The following PTPRD variants were observed in gnomAD, a reference collection of about 807,000 sequenced individuals.
PTPRD encodes the protein receptor-type tyrosine-protein phosphatase delta.
A neutral mutation model predicts 214.5 loss-of-function variants in PTPRD; 34 were observed. The ratio of observed to expected loss-of-function variants is 0.16; its 90% CI spans 0.12 to 0.21. PTPRD has a LOEUF of 0.21. PTPRD is among the 10% of genes least tolerant of loss of function. PTPRD has a pLI of 1.00. For synonymous variants in PTPRD, 1,128 were observed against 845.7 expected, an observed-to-expected ratio of 1.33 and a Z score of -5.79; for missense variants, 2,545 against 2,398.7, an observed-to-expected ratio of 1.06 and a Z score of -1.27.
chr9:8,893,822 A>G (rs1023098304), intron 11 of PTPRD, among the ~76,000 whole-genome samples: 4 of 152,178 alleles, frequency 2.6e-5, no homozygotes, highest in African/African-American at 9.7e-5. Flanking sequence ...TTATGACACA[A>G]TGTTGAGGGA....
chr9:9,513,777 T>C (rs2096768475), intron 8 of PTPRD, among the ~76,000 whole-genome samples: 1 of 151,980 alleles, frequency 6.6e-6, no homozygotes, highest in South Asian at 2.1e-4. Context: ...TAAAGAATAA[T>C]GGGACCTCAA....
At chr9:10,193,163 T>C (rs1004775528) in intron 3 of PTPRD, among the ~76,000 whole-genome samples, 2 of 152,168 alleles carry the variant, frequency 1.3e-5, no homozygotes, top group African/African-American at 4.8e-5. Flanking sequence ...CTCTGGTCTT[T>C]AGAGACTCTA....
intron 2 of PTPRD, among the ~76,000 whole-genome samples, chr9:10,569,948 T>C (rs1378529690): frequency 6.6e-6 from 1 of 152,118 alleles, no homozygotes; most frequent in East Asian, 1.9e-4. Context: ...CTGAATGTGT[T>C]TTTTATGATA....
intron 4 of PTPRD, among the ~76,000 whole-genome samples, chr9:9,945,381 GA>G (rs894788474): frequency 1.4e-4 from 22 of 152,250 alleles, no homozygotes; most frequent in African/African-American, 4.8e-4. Context: ...AGATTTAAAA[GA>G]AAAGAAGACT....
At chr9:9,676,730 T>C (rs1210617907) in intron 7 of PTPRD, among the ~76,000 whole-genome samples, 4 of 152,132 alleles carry the variant, frequency 2.6e-5, no homozygotes, top group Non-Finnish European at 5.9e-5. Context: ...TGAACTAGTT[T>C]ACAGTCCCAC....
chr9:8,948,123 G>A (rs111235214), intron 11 of PTPRD, among the ~76,000 whole-genome samples: 2 of 150,118 alleles, frequency 1.3e-5, no homozygotes, highest in Non-Finnish European at 3.0e-5. Flanking sequence ...GGGTTCGAGC[G>A]ATTCTCCTGC....
At chr9:9,375,074 T>C (rs1379305430) in intron 9 of PTPRD, among the ~76,000 whole-genome samples, 4 of 152,180 alleles carry the variant, frequency 2.6e-5, no homozygotes, top group Non-Finnish European at 5.9e-5. Flanking sequence ...CCAAACTCTG[T>C]GTGTGTATGT....
At position 9,107,695 on chromosome 9, in the gene PTPRD, C is replaced by T. The variant is rs570147625; in HGVS notation, c.-143+75609G>A. Among the ~76,000 whole-genome samples the T allele has an allele frequency of 6.0e-4, 91 of 152,248 alleles. 1 individual carries two copies. Among genetic ancestry groups the T allele is most frequent in the African/African-American group, 2.1e-3 (89 of 41,550 alleles). On this transcript the variant is annotated intron_variant, in intron 10 of 45. Transcript: ENST00000381196. Reference sequence around the variant, plus strand: ...CCCTTTGGTTGGAAAGTTTTTCATCCACAAATTCTCCTGAATTTCTTACAG... The same window carrying T: ...CCCTTTGGTTGGAAAGTTTTTCATCTACAAATTCTCCTGAATTTCTTACAG...
chr9:10,166,299 C>G (rs1160801905), intron 3 of PTPRD, among the ~76,000 whole-genome samples: 2 of 149,656 alleles, frequency 1.3e-5, no homozygotes, highest in East Asian at 3.9e-4. Context: ...GTTTGAAAGC[C>G]TGCATCTGTC....
chr9:9,692,776 C>T (rs2097297829), intron 7 of PTPRD, among the ~76,000 whole-genome samples: 1 of 151,772 alleles, frequency 6.6e-6, no homozygotes, highest in South Asian at 2.1e-4. Flanking sequence ...AAATTGTTTC[C>T]ATTTTTTTTA....
intron 2 of PTPRD, among the ~76,000 whole-genome samples, chr9:10,488,099 G>A (rs1224247415): frequency 6.6e-6 from 1 of 151,740 alleles, no homozygotes; most frequent in Admixed American, 6.6e-5. Flanking sequence ...TGGGCATGGT[G>A]GCTCGCGCCT....
chr9:9,030,332 A>ATTTTTTTTTTTT (rs1554648759), intron 10 of PTPRD, among the ~76,000 whole-genome samples: 1 of 96,434 alleles, frequency 1.0e-5, no homozygotes, highest in African/African-American at 4.7e-5. Flanking sequence ...TTCTTTTCTC[A>ATTTTTTTTTTTT]TTCACTAGTA....
At chr9:10,202,930 G>A (rs1469732490) in intron 3 of PTPRD, among the ~76,000 whole-genome samples, 3 of 151,494 alleles carry the variant, frequency 2.0e-5, no homozygotes, top group African/African-American at 7.3e-5. Flanking sequence ...CTTGATCTTG[G>A]ACCACCTAAC....
chr9:10,096,282 T>A (rs2098483370), intron 3 of PTPRD, among the ~76,000 whole-genome samples: 1 of 151,712 alleles, frequency 6.6e-6, no homozygotes, highest in African/African-American at 2.4e-5. Context: ...CTTTTAAAAC[T>A]GAATCTGTAG....
At chr9:8,989,231 T>A (rs1401825051) in intron 11 of PTPRD, among the ~76,000 whole-genome samples, 1 of 152,084 alleles carries the variant, frequency 6.6e-6, no homozygotes, top group Non-Finnish European at 1.5e-5. Context: ...ATTGCAATTC[T>A]CTTCTACTTG....
chr9:9,759,637 A>G (rs2154474523), intron 6 of PTPRD, among the ~76,000 whole-genome samples: 1 of 144,364 alleles, frequency 6.9e-6, no homozygotes, highest in Admixed American at 7.2e-5. Context: ...AGCTCACTGC[A>G]ACCTCTACCT....
At chr9:9,942,805 A>G (rs1009575170) in intron 4 of PTPRD, among the ~76,000 whole-genome samples, 2 of 151,880 alleles carry the variant, frequency 1.3e-5, no homozygotes, top group African/African-American at 4.8e-5. Context: ...TTTTTATCCA[A>G]GTTGCAATTT....
intron 9 of PTPRD, among the ~76,000 whole-genome samples, chr9:9,387,214 A>G (rs931579035): frequency 6.6e-6 from 1 of 152,194 alleles, no homozygotes; most frequent in Non-Finnish European, 1.5e-5. Context: ...AATCTAGTAA[A>G]GACCCAGAGA....
chr9:10,273,952 TG>T (rs1280155812), intron 3 of PTPRD, among the ~76,000 whole-genome samples: 10 of 148,030 alleles, frequency 6.8e-5, no homozygotes, highest in Admixed American at 1.4e-4. Flanking sequence ...ACAATAGCTA[TG>T]TAATGTAGTT....
Sources: gnomAD v4.1 joint callset for allele counts (sites outside exome capture counted in the v4.1 genomes callset) on GRCh38, gnomAD v4.1.1 for gene constraint, MANE v1.5 for transcripts, NCBI Gene and HGNC (gene_info 2026-07-23, HGNC 2026-07-21) for gene names.